SEMA3A: variants seen among roughly 807,000 people sequenced by gnomAD.
The protein encoded by SEMA3A is semaphorin 3A.
SEMA3A carries 29 observed loss-of-function variants against 97.9 expected under a neutral mutation model. The observed-to-expected ratio is 0.30, with a 90% CI of 0.22 to 0.40. The LOEUF (loss-of-function observed/expected upper bound fraction) is 0.40. Ranked by LOEUF, SEMA3A falls within the 10% of genes least tolerant of loss-of-function variation. The pLI is 1.00. For missense variants in SEMA3A, 763 were observed against 951.3 expected (o/e 0.80, Z 2.60); for synonymous variants, 321 against 323.7 (o/e 0.99, Z 0.09).
chr7:84,337,233 G>A (rs74323326), intron 2 of SEMA3A, among the ~76,000 whole-genome samples: 1 of 151,950 alleles, frequency 6.6e-6, no homozygotes, highest in Non-Finnish European at 1.5e-5. Flanking sequence ...TTATTTTTAT[G>A]CCATATGCCA....
In SEMA3A at chr7:84,025,728, T is replaced by C. The variant is rs1171190344; in HGVS notation, c.668-11377A>G. On this transcript the variant is annotated intron_variant, in intron 6 of 16. Coordinates refer to ENST00000265362, the MANE Select transcript of SEMA3A (RefSeq NM_006080.3). The stretch of plus-strand genomic sequence containing the variant: ...AAACACAGAAGGCAAGTGAAAATAA[T>C]AGATACTGTTTATTGCACCCTTTCC... 4.6e-5 allele frequency among the ~76,000 whole-genome samples: 7 copies of C among 152,174 alleles called. No individual in the cohort carries two copies. The East Asian group carries it at 1.4e-3, about 29-fold the overall frequency.
At chr7:83,966,861 G>A (rs1430051795) in intron 15 of SEMA3A, among the ~76,000 whole-genome samples, 4 of 151,888 alleles carry the variant, frequency 2.6e-5, no homozygotes, top group African/African-American at 7.3e-5. Flanking sequence ...ACAGGCATGC[G>A]CCACCACGCC....
At chr7:83,972,363 A>C (rs1196819614) in intron 15 of SEMA3A, among the ~76,000 whole-genome samples, 1 of 152,042 alleles carries the variant, frequency 6.6e-6, no homozygotes, top group East Asian at 1.9e-4. Flanking sequence ...CTTAAAAAGC[A>C]ATACCAATAT....
chr7:84,476,462 G>A (rs1806284647), intron 1 of SEMA3A, among the ~76,000 whole-genome samples: 1 of 151,828 alleles, frequency 6.6e-6, no homozygotes, highest in Non-Finnish European at 1.5e-5. Flanking sequence ...TAATGCAGTA[G>A]AGTAGTAACA....
chr7:83,969,226 A>G (rs375283473), intron 15 of SEMA3A, among the ~76,000 whole-genome samples: 177 of 152,324 alleles, frequency 1.2e-3, no homozygotes, highest in African/African-American at 4.0e-3. Context: ...TACTGCTATT[A>G]TGATAGATTC....
At chr7:84,301,494 T>C (rs1168737202) in intron 3 of SEMA3A, among the ~76,000 whole-genome samples, 6 of 152,116 alleles carry the variant, frequency 3.9e-5, no homozygotes, top group South Asian at 4.1e-4. Context: ...ATATGCTCAA[T>C]ATCATCAGTT....
chr7:84,304,400 AAAG>A lies in SEMA3A; in HGVS notation c.-83+2804_-83+2806del, dbSNP rs200001463. Among the ~76,000 whole-genome samples, 276 of 152,222 alleles carry A rather than the reference AAAG, an allele frequency of 1.8e-3. 8 individuals are homozygous for A. In the East Asian group the frequency reaches 0.049, roughly 27 times the overall value. Reference sequence around the variant, plus strand: ...GCCAAATAAAGAATGCTTTTCAAAGAAAGAAGAAAAATATTTTTCACTTCAAAA... The same window carrying A: ...GCCAAATAAAGAATGCTTTTCAAAGAAAGAAAAATATTTTTCACTTCAAAA... On this transcript the variant is annotated intron_variant, in intron 3 of 3. Coordinates refer to the SEMA3A transcript ENST00000424555.
intron 3 of SEMA3A, among the ~76,000 whole-genome samples, chr7:84,249,261 A>G (rs890440165): frequency 6.6e-6 from 1 of 152,074 alleles, no homozygotes; most frequent in African/African-American, 2.4e-5. Context: ...ATTAACTTCC[A>G]GTAGATAGAA....
rs1181530901 is a variant in SEMA3A at position 83,965,666 on chromosome 7, A to AT, written c.1718-2320dup. Among the ~76,000 whole-genome samples, 8 of 11,794 alleles carry AT rather than the reference A, an allele frequency of 6.8e-4. 2 individuals are homozygous for AT. The highest frequency in any genetic ancestry group is 2.2e-3 in the Admixed American group (1 of 456). 7.7% of individuals were successfully genotyped at this position (11,794 alleles called of 152,430 possible). ...TATATATATATATATATATATATATATTTTTTTTTTTTTTTTTTTTTTTTT... is the reference window on the plus strand; with the variant it reads ...TATATATATATATATATATATATATATTTTTTTTTTTTTTTTTTTTTTTTTT... On this transcript the variant is annotated intron_variant, in intron 15 of 16. Coordinates refer to ENST00000265362, the MANE Select transcript of SEMA3A (RefSeq NM_006080.3).
rs1476523272 is a variant in SEMA3A at position 83,956,678 on chromosome 7, ATT to A, written c.*4691_*4692del. The A allele has an allele frequency of 6.6e-6, 1 of 152,156 alleles. No homozygotes were observed. Among genetic ancestry groups the A allele is most frequent in the African/African-American group, 2.4e-5 (1 of 41,464 alleles). 9.4% of individuals were successfully genotyped at this position (152,156 alleles called of 1,614,324 possible). A position where few individuals can be genotyped will look rare whatever the true frequency, so the allele number is the denominator to read the frequency against. ...AAACCCAGGAAAAAGCAAATGCACCATTTTGACTCATAGTAGTGGGACATTTA... is the reference window on the plus strand; with the variant it reads ...AAACCCAGGAAAAAGCAAATGCACCATTGACTCATAGTAGTGGGACATTTA... On this transcript the variant is annotated 3_prime_UTR_variant, in exon 17 of 17. Transcript: ENST00000265362.
At chr7:84,158,674 G>A (rs1368643242) in intron 1 of SEMA3A, among the ~76,000 whole-genome samples, 1 of 152,094 alleles carries the variant, frequency 6.6e-6, no homozygotes, top group Non-Finnish European at 1.5e-5. Flanking sequence ...TGCACAGCCT[G>A]TACCTAACAC....
chr7:84,357,939 G>A (rs1041558348), intron 2 of SEMA3A, among the ~76,000 whole-genome samples: 54 of 152,086 alleles, frequency 3.6e-4, no homozygotes, highest in Non-Finnish European at 5.1e-4. Flanking sequence ...GTCTTCTTTT[G>A]AGAAGTGTCT....
At chr7:84,101,876 T>G (rs915360131) in intron 4 of SEMA3A, among the ~76,000 whole-genome samples, 1 of 152,016 alleles carries the variant, frequency 6.6e-6, no homozygotes, top group Non-Finnish European at 1.5e-5. Context: ...TCATAAAAAC[T>G]CTAAATTTCA....
chr7:84,273,211 T>C (rs759541389), intron 3 of SEMA3A, among the ~76,000 whole-genome samples: 2 of 152,140 alleles, frequency 1.3e-5, no homozygotes, highest in Admixed American at 6.6e-5. Flanking sequence ...AATTGTACTA[T>C]ACTATCTTTG....
rs554569889 is a variant in SEMA3A at position 84,171,645 on chromosome 7, TAAAC to T, written c.112+22826_112+22829del. On this transcript the variant is annotated intron_variant, in intron 1 of 16. Coordinates refer to ENST00000265362, the MANE Select transcript of SEMA3A (RefSeq NM_006080.3). ...ATATAAGTTTCTACAAATAATATCT[TAAAC>T]AGTTTAGCTGTAGTTTCATGTAAGA... is the stretch of plus-strand genomic sequence containing the variant. Among the ~76,000 whole-genome samples, 24 of 152,274 alleles carry T rather than the reference TAAAC, an allele frequency of 1.6e-4. No homozygotes were observed. The South Asian group carries it at 4.8e-3, about 30-fold the overall frequency.
rs765780142 is a variant in SEMA3A at position 84,024,389 on chromosome 7, A to C, written c.668-10038T>G. ...AACCTCGTCTCTACTAAAAATACAA[A>C]AAAAAAATTAGACGAGTATGGTGGC... is the stretch of plus-strand genomic sequence containing the variant. On this transcript the variant is annotated intron_variant, in intron 6 of 16. Coordinates refer to ENST00000265362, the MANE Select transcript of SEMA3A (RefSeq NM_006080.3). Among the ~76,000 whole-genome samples, 665 of 151,808 alleles carry C rather than the reference A, an allele frequency of 4.4e-3. 4 individuals carry two copies. Among genetic ancestry groups the C allele is most frequent in the Non-Finnish European group, 6.6e-3 (449 of 67,872 alleles).
intron 1 of SEMA3A, among the ~76,000 whole-genome samples, chr7:84,485,320 T>G (rs1445949925): frequency 6.6e-6 from 1 of 152,210 alleles, no homozygotes; most frequent in East Asian, 1.9e-4. Context: ...AGTTTTTTGG[T>G]ACTATTTCAT....
chr7:84,395,678 T>C (rs907635839), intron 1 of SEMA3A, among the ~76,000 whole-genome samples: 6 of 152,036 alleles, frequency 3.9e-5, no homozygotes, highest in Non-Finnish European at 5.9e-5. Flanking sequence ...CTGATGGTTT[T>C]ATAGAGGGCC....
intron 12 of SEMA3A, among the ~76,000 whole-genome samples, chr7:83,989,552 G>C (rs1472147315): frequency 1.7e-4 from 23 of 138,196 alleles, no homozygotes; most frequent in Non-Finnish European, 3.2e-4. Context: ...CCACCTATGA[G>C]TGAGAATATG....
Sources: gnomAD v4.1 joint callset for allele counts (sites outside exome capture counted in the v4.1 genomes callset) on GRCh38, gnomAD v4.1.1 for gene constraint, MANE v1.5 for transcripts, NCBI Gene and HGNC (gene_info 2026-07-23, HGNC 2026-07-21) for gene names.